The following PDE1C variants were observed in gnomAD, a reference collection of about 807,000 sequenced individuals.
PDE1C encodes the protein dual specificity calcium/calmodulin-dependent 3',5'-cyclic nucleotide phosphodiesterase 1C.
A neutral mutation model predicts 93.1 loss-of-function variants in PDE1C; 62 were observed. The observed-to-expected ratio is 0.67, with a 90% CI of 0.54 to 0.82. The LOEUF is 0.82. Among genes scored for constraint, PDE1C ranks in the 40% least tolerant of loss-of-function variants. The pLI is 0.00. For missense variants in PDE1C, 742 were observed against 884.6 expected (o/e 0.84, Z 2.04); for synonymous variants, 325 against 310.1 (o/e 1.05, Z -0.50).
At chr7:32,083,206 A>G (rs1413612953) in intron 3 of PDE1C, among the ~76,000 whole-genome samples, 1 of 152,090 alleles carries the variant, frequency 6.6e-6, no homozygotes, top group African/African-American at 2.4e-5. Flanking sequence ...TGAAGAATGC[A>G]GAAGCCTCAG....
At chr7:32,146,049 G>A (rs1197132924) in intron 3 of PDE1C, among the ~76,000 whole-genome samples, 2 of 152,128 alleles carry the variant, frequency 1.3e-5, no homozygotes, top group Non-Finnish European at 2.9e-5. Context: ...TAGTTAGCAT[G>A]GGGGAACTGG....
At chr7:32,276,648 A>G (rs1811309837) in intron 1 of PDE1C, among the ~76,000 whole-genome samples, 1 of 152,092 alleles carries the variant, frequency 6.6e-6, no homozygotes, top group Non-Finnish European at 1.5e-5. Flanking sequence ...GAGCTCTGTG[A>G]TCTTAAGAAA....
At chr7:31,920,252 T>G (rs1802430081) in intron 2 of PDE1C, among the ~76,000 whole-genome samples, 1 of 152,170 alleles carries the variant, frequency 6.6e-6, no homozygotes, top group Non-Finnish European at 1.5e-5. Context: ...GAGTCAATCC[T>G]AACCATCTGG....
At chr7:32,382,581 G>A (rs936259288) in intron 1 of PDE1C, among the ~76,000 whole-genome samples, 6 of 152,098 alleles carry the variant, frequency 3.9e-5, no homozygotes, top group Admixed American at 6.5e-5. Context: ...CTTGGAACAC[G>A]GCTGGCAGCT....
At chr7:32,047,710 G>GTT (rs142851849) in intron 2 of PDE1C, among the ~76,000 whole-genome samples, 1 of 149,264 alleles carries the variant, frequency 6.7e-6, no homozygotes, top group South Asian at 2.1e-4. Context: ...AAAGCTGTGG[G>GTT]TTTTTTTTTT....
At chr7:31,632,339 T>G in the PDE1C span, among the ~76,000 whole-genome samples, 1 of 152,192 alleles carries the variant, frequency 6.6e-6, no homozygotes. Flanking sequence ...TCCCAGCTAC[T>G]TGAGAGGCTG....
intron 3 of PDE1C, among the ~76,000 whole-genome samples, chr7:32,119,404 T>C (rs1252192707): frequency 6.6e-6 from 1 of 152,202 alleles, no homozygotes; most frequent in Non-Finnish European, 1.5e-5. Flanking sequence ...GGAAATGTCC[T>C]AGTTTCCATA....
chr7:31,837,118 G>T, intron 11 of PDE1C, 62 bp downstream of exon 11: 1 of 1,536,408 alleles, frequency 6.5e-7, no homozygotes, highest in South Asian at 1.2e-5. Context: ...GCATTGCTGA[G>T]ATATAAAATT....
intron 3 of PDE1C, among the ~76,000 whole-genome samples, chr7:32,169,439 C>G (rs1048951041): frequency 6.6e-6 from 1 of 152,176 alleles, no homozygotes; most frequent in Admixed American, 6.5e-5. Flanking sequence ...CCAACACGTG[C>G]TTTTTCTCTA....
Position 32,328,627 on chromosome 7 carries a change from C to G in PDE1C, c.310+99195G>C, listed in dbSNP as rs531434652. ...TGTTCTCTCTGCCTGGAACACAACCCCATCCTCCACCCCCCATCCCCACTC... is the reference window on the plus strand; with the variant it reads ...TGTTCTCTCTGCCTGGAACACAACCGCATCCTCCACCCCCCATCCCCACTC... On this transcript the variant is annotated intron_variant, in intron 1 of 1. Transcript: ENST00000672256. Among the ~76,000 whole-genome samples the G allele has an allele frequency of 4.6e-5, 7 of 152,214 alleles. No individual in the cohort carries two copies. The South Asian group carries it at 1.2e-3, about 27-fold the overall frequency.
rs1321251521 is a variant in PDE1C, at chr7:31,752,868, T to G, written c.*516A>C. ...TTTTTACATTCAGAAGCACAACTTC[T>G]GTTTTGAATACATTTACTTTGATAG... is the stretch of plus-strand genomic sequence containing the variant. On this transcript the variant is annotated 3_prime_UTR_variant, in exon 18 of 18. Transcript: ENST00000396191. 6.6e-6 allele frequency: 1 copy of G among 152,230 alleles called. No homozygotes were observed. Among genetic ancestry groups the G allele is most frequent in the Non-Finnish European group, 1.5e-5 (1 of 68,046 alleles). The allele number at this position is 152,230 out of a possible 1,614,324, so 9.4% of individuals were successfully genotyped here. A position where few individuals can be genotyped will look rare whatever the true frequency, so the allele number is the denominator to read the frequency against.
chr7:32,246,615 T>A (rs867392453), intron 1 of PDE1C, among the ~76,000 whole-genome samples: 1 of 152,166 alleles, frequency 6.6e-6, no homozygotes, highest in Non-Finnish European at 1.5e-5. Context: ...ATGATGTTCT[T>A]TACTGACACA....
At chr7:31,964,107 G>A (rs545460189) in intron 2 of PDE1C, among the ~76,000 whole-genome samples, 5 of 152,366 alleles carry the variant, frequency 3.3e-5, no homozygotes, top group South Asian at 2.1e-4. Flanking sequence ...CCAGAAAGTG[G>A]GGCAAGACAG....
chr7:32,075,424 C>A (rs1488137634), upstream of PDE1C, among the ~76,000 whole-genome samples: 1 of 152,104 alleles, frequency 6.6e-6, no homozygotes, highest in East Asian at 1.9e-4. Context: ...TGTGAGGCGG[C>A]CCCCACAATG....
chr7:31,856,371 T>C (rs1424764547), intron 7 of PDE1C, among the ~76,000 whole-genome samples: 2 of 152,230 alleles, frequency 1.3e-5, no homozygotes, highest in African/African-American at 2.4e-5. Flanking sequence ...AAATATGGTC[T>C]GAATCGATCA....
chr7:31,779,477 T>C (rs1351570096), intron 16 of PDE1C, among the ~76,000 whole-genome samples: 3 of 152,212 alleles, frequency 2.0e-5, no homozygotes, highest in Admixed American at 2.0e-4. Context: ...CCTTGGTGTC[T>C]TCTTTGCAAA....
In PDE1C at chr7:31,819,850, A is replaced by G. The variant is rs192515320; in HGVS notation, c.1582+3223T>C. On this transcript the variant is annotated intron_variant, in intron 14 of 17. Transcript: ENST00000396191. ...TAAACTACCTACAACCAGAGAGAGA[A>G]AGAGAGAGAAAAAACAGAGAAAAGA... Among the ~76,000 whole-genome samples, 16 of 148,292 alleles carry G rather than the reference A, an allele frequency of 1.1e-4. No homozygotes were observed. In the East Asian group the frequency reaches 3.1e-3, roughly 29 times the overall value.
At chr7:32,229,807 T>A (rs1471716347) in intron 1 of PDE1C, among the ~76,000 whole-genome samples, 1 of 152,226 alleles carries the variant, frequency 6.6e-6, no homozygotes, top group Admixed American at 6.5e-5. Context: ...GGCTATAAAG[T>A]CATTCTAATT....
chr7:31,825,142 G>A (rs1435348980), intron 12 of PDE1C, among the ~76,000 whole-genome samples, 155 bp from the exon 13 acceptor site: 1 of 152,142 alleles, frequency 6.6e-6, no homozygotes, highest in Non-Finnish European at 1.5e-5. Context: ...AATATTACAT[G>A]TCAGTTTCAT....
Sources: allele counts gnomAD v4.1 joint callset (sites outside exome capture counted in the v4.1 genomes callset), GRCh38; gene constraint gnomAD v4.1.1; transcripts MANE v1.5; gene names NCBI Gene and HGNC (gene_info 2026-07-23, HGNC 2026-07-21).